Variants in GALNT14 observed in about 807,000 individuals in gnomAD.
GALNT14 encodes the protein UDP-GalNAc:polypeptide N-acetylgalactosaminyltransferase 14.
A neutral mutation model predicts 77.5 loss-of-function variants in GALNT14; 60 were observed. That is an observed-to-expected ratio of 0.77 (90% CI 0.63 to 0.96). The LOEUF (loss-of-function observed/expected upper bound fraction) is 0.96, where lower values mean the gene tolerates loss of function less well. GALNT14 is among the 40% of genes least tolerant of loss of function. The probability of loss-of-function intolerance (pLI) is 0.00; values close to 1 mark genes in which losing one functional copy is unlikely to be tolerated. For missense variants in GALNT14, 710 were observed against 731.0 expected, an observed-to-expected ratio of 0.97 and a Z score of 0.33; for synonymous variants, 280 against 281.7, an observed-to-expected ratio of 0.99 and a Z score of 0.06.
chr2:30,962,748 G>C (rs2148334242), intron 3 of GALNT14, among the ~76,000 whole-genome samples: 1 of 152,282 alleles, frequency 6.6e-6, no homozygotes, highest in East Asian at 1.9e-4. Flanking sequence ...GTCTGGGCAG[G>C]GGGGTTGCAA....
intron 13 of GALNT14, among the ~76,000 whole-genome samples, chr2:30,918,524 C>G (rs536565236): frequency 6.6e-6 from 1 of 152,336 alleles, no homozygotes; most frequent in Admixed American, 6.5e-5. Context: ...GAGGACCTTA[C>G]AGACCTTCCT....
chr2:31,067,677 C>G (rs1199185051), intron 1 of GALNT14, among the ~76,000 whole-genome samples: 1 of 152,166 alleles, frequency 6.6e-6, no homozygotes, highest in Non-Finnish European at 1.5e-5. Flanking sequence ...AGAGTTGGAG[C>G]CAACTTGCAC....
chr2:30,999,848 C>CAGT (rs1465201318), intron 1 of GALNT14, among the ~76,000 whole-genome samples: 2 of 152,208 alleles, frequency 1.3e-5, no homozygotes, highest in East Asian at 3.8e-4. Flanking sequence ...CTGGCACAGT[C>CAGT]AGTGCAGGAG....
At chr2:31,115,309 C>T (rs1174363531) in intron 1 of GALNT14, among the ~76,000 whole-genome samples, 1 of 151,992 alleles carries the variant, frequency 6.6e-6, no homozygotes, top group Non-Finnish European at 1.5e-5. Context: ...CCATACATTG[C>T]CAAGTGTCCG....
intron 1 of GALNT14, among the ~76,000 whole-genome samples, chr2:31,059,146 A>G (rs1674425627): frequency 6.6e-6 from 1 of 152,212 alleles, no homozygotes; most frequent in African/African-American, 2.4e-5. Context: ...TGAAAAGCTG[A>G]ACCCCCTGAT....
chr2:30,937,829 T>A (rs1666146975), intron 9 of GALNT14, among the ~76,000 whole-genome samples: 1 of 152,204 alleles, frequency 6.6e-6, no homozygotes, highest in South Asian at 2.1e-4. Flanking sequence ...TGGACATCTT[T>A]GGGAGGGCTG....
chr2:30,893,984 C>T, the GALNT14 span, among the ~76,000 whole-genome samples: 1 of 152,008 alleles, frequency 6.6e-6, no homozygotes, highest in African/African-American at 2.4e-5. Flanking sequence ...ATATTATTCT[C>T]ATGTTTTTTA....
chr2:30,982,066 G>A (rs148895725), intron 2 of GALNT14, among the ~76,000 whole-genome samples: 409 of 152,324 alleles, frequency 2.7e-3, no homozygotes, highest in African/African-American at 9.4e-3. Context: ...GACAGATGCA[G>A]AGAGAAGGGG....
At chr2:31,040,356 A>G (rs1266595382) in intron 1 of GALNT14, among the ~76,000 whole-genome samples, 2 of 152,186 alleles carry the variant, frequency 1.3e-5, no homozygotes, top group Non-Finnish European at 2.9e-5. Context: ...GGCTAAAGGC[A>G]GAAGCTGCTG....
At chr2:31,130,804 G>GCA (rs1678958572) in intron 1 of GALNT14, among the ~76,000 whole-genome samples, 2 of 150,248 alleles carry the variant, frequency 1.3e-5, no homozygotes, top group African/African-American at 4.9e-5. Context: ...CTGTGTGTGT[G>GCA]CCTGTGTGTG....
chr2:30,960,756 G>A (rs1000420245), intron 3 of GALNT14, among the ~76,000 whole-genome samples: 1 of 152,092 alleles, frequency 6.6e-6, no homozygotes, highest in Non-Finnish European at 1.5e-5. Context: ...TCCACCCTGG[G>A]AGGGAATGGT....
intron 1 of GALNT14, among the ~76,000 whole-genome samples, chr2:31,020,429 C>G (rs1671645816): frequency 6.6e-6 from 1 of 152,110 alleles, no homozygotes; most frequent in Non-Finnish European, 1.5e-5. Flanking sequence ...GTCCCTGGTC[C>G]CCCTCAGGAA....
intron 2 of GALNT14, among the ~76,000 whole-genome samples, chr2:30,986,726 C>G (rs3821342): frequency 0.72 from 110,292 of 152,152 alleles, 40,981 homozygotes; most frequent in African/African-American, 0.89. Context: ...GAAGTTGTCT[C>G]TTCCTTACAG....
At chr2:30,889,947 G>A in the GALNT14 span, among the ~76,000 whole-genome samples, 1 of 152,140 alleles carries the variant, frequency 6.6e-6, no homozygotes, top group African/African-American at 2.4e-5. Flanking sequence ...TTTGGATCTA[G>A]GGCTGCATTA....
chr2:31,040,639 T>G (rs1299315820), intron 1 of GALNT14, among the ~76,000 whole-genome samples: 2 of 152,108 alleles, frequency 1.3e-5, no homozygotes, highest in Non-Finnish European at 2.9e-5. Context: ...ATGACAAGTG[T>G]GATCCTCAAC....
Position 31,093,317 on chromosome 2 carries a change from A to C in GALNT14, c.129+44641T>G, listed in dbSNP as rs999796751. On this transcript the variant is annotated intron_variant, in intron 1 of 14. Coordinates refer to ENST00000349752, the MANE Select transcript of GALNT14 (RefSeq NM_024572.4). Reference sequence around the variant, plus strand: ...TTCATGAGGTCTGGTTTCCATGATCAAACTTCTGGGTTACTACAGATTAGT... The same window carrying C: ...TTCATGAGGTCTGGTTTCCATGATCCAACTTCTGGGTTACTACAGATTAGT... Among the ~76,000 whole-genome samples, 7 of 152,346 alleles carry C rather than the reference A, an allele frequency of 4.6e-5. No individual in the cohort carries two copies. The South Asian group carries it at 6.2e-4, about 14-fold the overall frequency.
At chr2:30,925,996 C>T (rs1473890258) in intron 11 of GALNT14, among the ~76,000 whole-genome samples, 1 of 152,152 alleles carries the variant, frequency 6.6e-6, no homozygotes, top group Non-Finnish European at 1.5e-5. Context: ...CTAAGTTCAT[C>T]CATGTCTTTT....
At chr2:30,911,838 A>G (rs1664381291) in intron 14 of GALNT14, among the ~76,000 whole-genome samples, 1 of 152,144 alleles carries the variant, frequency 6.6e-6, no homozygotes, top group East Asian at 1.9e-4. Flanking sequence ...GAATGCTAGG[A>G]AGTTTGGGGG....
chr2:30,927,909 A>T (rs1665486656), intron 11 of GALNT14, among the ~76,000 whole-genome samples: 1 of 152,140 alleles, frequency 6.6e-6, no homozygotes, highest in Non-Finnish European at 1.5e-5. Flanking sequence ...GCACAGGAGG[A>T]CAGGGTGCAA....
Sources: allele counts gnomAD v4.1 joint callset (sites outside exome capture counted in the v4.1 genomes callset), GRCh38; gene constraint gnomAD v4.1.1; transcripts MANE v1.5; gene names NCBI Gene and HGNC (gene_info 2026-07-23, HGNC 2026-07-21).